FNBP1: variants seen among roughly 807,000 people sequenced by gnomAD.
FNBP1 encodes the protein formin-binding protein 1.
In FNBP1, 26 loss-of-function variants were observed where a neutral mutation model predicts 90.6. That is an observed-to-expected ratio of 0.29 (90% CI 0.21 to 0.40). FNBP1 has a LOEUF of 0.40. Among genes scored for constraint, FNBP1 ranks in the 10% least tolerant of loss-of-function variants. The pLI is 1.00. For synonymous variants in FNBP1, 260 were observed against 265.2 expected (o/e 0.98, Z 0.19); for missense variants, 635 against 768.0 (o/e 0.83, Z 2.05).
chr9:129,998,546 G>A (rs890920967), intron 1 of FNBP1, among the ~76,000 whole-genome samples: 13 of 149,956 alleles, frequency 8.7e-5, no homozygotes, highest in Non-Finnish European at 1.8e-4. Flanking sequence ...CCCTCTCCCT[G>A]TATGATTTCC....
intron 8 of FNBP1, among the ~76,000 whole-genome samples, chr9:129,925,574 C>CT (rs1411392004): frequency 7.4e-6 from 1 of 135,182 alleles, no homozygotes; most frequent in East Asian, 2.3e-4. Flanking sequence ...TTGATAATAA[C>CT]TTTTTTCCTA....
At chr9:130,019,677 G>A (rs2057614532) in intron 1 of FNBP1, among the ~76,000 whole-genome samples, 1 of 152,142 alleles carries the variant, frequency 6.6e-6, no homozygotes, top group Admixed American at 6.5e-5. Flanking sequence ...GATCTTTGGA[G>A]TAATGGCTAG....
chr9:129,991,747 C>A (rs2131236554), intron 2 of FNBP1, among the ~76,000 whole-genome samples: 1 of 151,154 alleles, frequency 6.6e-6, no homozygotes, highest in South Asian at 2.1e-4. Context: ...GCAAGCTCTG[C>A]CTTCTGGGTT....
chr9:130,018,689 C>T (rs548616699), intron 1 of FNBP1, among the ~76,000 whole-genome samples: 12 of 152,216 alleles, frequency 7.9e-5, no homozygotes, highest in Admixed American at 5.9e-4. Context: ...GTCACCCGCC[C>T]ATCTCTGCCT....
chr9:129,895,532 T>C, intron 16 of FNBP1: 1 of 1,216,722 alleles, frequency 8.2e-7, no homozygotes, highest in African/African-American at 1.6e-5. Flanking sequence ...TTTTTTTTAA[T>C]CTACAGATAC....
In FNBP1 at chr9:129,958,985, C is replaced by CAAA. The variant is rs60640596; in HGVS notation, c.346-435_346-433dup. 5.0e-3 allele frequency among the ~76,000 whole-genome samples: 46 copies of CAAA among 9,150 alleles called. 8 individuals are homozygous for CAAA. The highest frequency in any genetic ancestry group is 0.015 in the African/African-American group (36 of 2,478). 6.0% of individuals were successfully genotyped at this position (9,150 alleles called of 152,430 possible). On this transcript the variant is annotated intron_variant, in intron 4 of 16. Coordinates refer to ENST00000446176, the MANE Select transcript of FNBP1 (RefSeq NM_015033.3). ...TGGATGACACAGTGAAACTCTGCCT[C>CAAA]AAAAAAAAAAAAAAAAAAAAAAGGA...
intron 6 of FNBP1, among the ~76,000 whole-genome samples, chr9:129,946,160 C>T (rs1341363677): frequency 1.3e-5 from 2 of 150,830 alleles, no homozygotes; most frequent in Admixed American, 6.6e-5. Flanking sequence ...CAGACCAATA[C>T]TCTGTTTCAA....
intron 4 of FNBP1, among the ~76,000 whole-genome samples, chr9:129,959,723 C>G (rs2047510271): frequency 6.6e-6 from 1 of 152,088 alleles, no homozygotes; most frequent in African/African-American, 2.4e-5. Flanking sequence ...TCTGATTTAC[C>G]ATTTAAACTA....
intron 1 of FNBP1, among the ~76,000 whole-genome samples, chr9:130,017,152 C>A (rs1409839288): frequency 2.6e-5 from 4 of 151,934 alleles, no homozygotes; most frequent in Non-Finnish European, 5.9e-5. Context: ...ATAATTCAAT[C>A]ATACCATAAG....
chr9:129,991,176 C>G (rs2053091824), intron 2 of FNBP1, among the ~76,000 whole-genome samples: 1 of 151,886 alleles, frequency 6.6e-6, no homozygotes, highest in African/African-American at 2.4e-5. Context: ...CTCCAGTGAT[C>G]CCCCTGCACC....
chr9:129,967,196 A>G (rs1016540342), intron 4 of FNBP1, among the ~76,000 whole-genome samples: 1 of 152,184 alleles, frequency 6.6e-6, no homozygotes, highest in African/African-American at 2.4e-5. Context: ...GGAATGGAAC[A>G]TGGATAAGGA....
intron 4 of FNBP1, among the ~76,000 whole-genome samples, chr9:129,975,460 A>G (rs930881295): frequency 1.3e-5 from 2 of 152,224 alleles, no homozygotes; most frequent in African/African-American, 4.8e-5. Flanking sequence ...TTTAATGTGT[A>G]TCTGTACCAC....
intron 10 of FNBP1, among the ~76,000 whole-genome samples, chr9:129,921,519 G>A (rs546684188): frequency 1.7e-4 from 26 of 151,732 alleles, no homozygotes; most frequent in African/African-American, 5.3e-4. Context: ...TCAGTTTCCC[G>A]AGTAGCTGGG....
chr9:129,917,624 C>T (rs1444707074), intron 10 of FNBP1, among the ~76,000 whole-genome samples: 1 of 152,196 alleles, frequency 6.6e-6, no homozygotes, highest in East Asian at 1.9e-4. Flanking sequence ...TGTGAGCCAC[C>T]ACACACAGCC....
chr9:129,911,200 C>A lies in FNBP1; in HGVS notation c.1186-2201G>T, dbSNP rs191424638. Among the ~76,000 whole-genome samples, 4 of 152,234 alleles carry A rather than the reference C, an allele frequency of 2.6e-5. No homozygotes were observed. The South Asian group carries it at 8.3e-4, about 32-fold the overall frequency. On this transcript the variant is annotated intron_variant, in intron 11 of 16. Coordinates refer to ENST00000446176, the MANE Select transcript of FNBP1 (RefSeq NM_015033.3). ...TTTTGTTAAAATATCAGAGCACTTT[C>A]GACCTCAGAAAACAGAATCTCTCTA...
chr9:130,047,267 G>A (rs2060066038), upstream of FNBP1, among the ~76,000 whole-genome samples: 1 of 152,116 alleles, frequency 6.6e-6, no homozygotes, highest in African/African-American at 2.4e-5. Flanking sequence ...GTTGGTGGTG[G>A]GAAGAAATCC....
At position 130,032,912 on chromosome 9, in the gene FNBP1, TC is replaced by T. The variant is rs541551138; in HGVS notation, c.24+10039del. Among the ~76,000 whole-genome samples the T allele has an allele frequency of 1.1e-3, 174 of 152,258 alleles. 2 individuals carry two copies. The highest frequency in any genetic ancestry group is 0.011 in the Admixed American group (165 of 15,290). The stretch of plus-strand genomic sequence containing the variant: ...AGATAAACATGCTATTAATATGACC[TC>T]CTGAAATCCAGATTTCCTGTCCAAA... On this transcript the variant is annotated intron_variant, in intron 1 of 16. Transcript: ENST00000446176.
intron 8 of FNBP1, 146 bp from the exon 9 acceptor site, chr9:129,925,303 A>G: frequency 6.4e-6 from 4 of 626,930 alleles, no homozygotes; most frequent in South Asian, 6.0e-5. Flanking sequence ...TCAGGAGATC[A>G]AGACCATCCT....
chr9:129,951,266 G>T (rs752956676), intron 6 of FNBP1, among the ~76,000 whole-genome samples: 1 of 151,528 alleles, frequency 6.6e-6, no homozygotes, highest in African/African-American at 2.4e-5. Context: ...CTAATTTTTT[G>T]ATTATTTTGT....
Sources: gnomAD v4.1 joint callset for allele counts (sites outside exome capture counted in the v4.1 genomes callset) on GRCh38, gnomAD v4.1.1 for gene constraint, MANE v1.5 for transcripts, NCBI Gene and HGNC (gene_info 2026-07-23, HGNC 2026-07-21) for gene names.